RNF38: variants seen among roughly 807,000 people sequenced by gnomAD.
RNF38 encodes E3 ubiquitin-protein ligase RNF38.
A neutral mutation model predicts 67.2 loss-of-function variants in RNF38; 15 were observed. The observed-to-expected ratio is 0.22, with a 90% CI of 0.15 to 0.34. RNF38 has a LOEUF of 0.34. Ranked by LOEUF, RNF38 falls within the 10% of genes least tolerant of loss-of-function variation. RNF38 has a pLI of 1.00. For missense variants in RNF38, 524 were observed against 639.9 expected, an observed-to-expected ratio of 0.82 and a Z score of 1.95; for synonymous variants, 220 against 218.8, an observed-to-expected ratio of 1.01 and a Z score of -0.05.
At chr9:36,423,948 C>CAAAA (rs1176900248) in intron 2 of RNF38, among the ~76,000 whole-genome samples, 8 of 7,412 alleles carry the variant, frequency 1.1e-3, no homozygotes, top group African/African-American at 1.7e-3. Context: ...GACTCCGTCT[C>CAAAA]AAAAAAAAAA....
intron 2 of RNF38, among the ~76,000 whole-genome samples, chr9:36,378,014 C>T (rs1477539165): frequency 4.0e-5 from 6 of 149,144 alleles, no homozygotes; most frequent in Non-Finnish European, 7.4e-5. Flanking sequence ...AATCCTAAAA[C>T]TTAAAAAAAA....
At chr9:36,413,872 G>A (rs1360376277) in intron 2 of RNF38, among the ~76,000 whole-genome samples, 3 of 152,148 alleles carry the variant, frequency 2.0e-5, no homozygotes, top group African/African-American at 7.2e-5. Context: ...TTGTGCTGCT[G>A]TTTTCTAGTA....
At chr9:36,407,562 A>G (rs1372651178) in intron 2 of RNF38, among the ~76,000 whole-genome samples, 1 of 152,216 alleles carries the variant, frequency 6.6e-6, no homozygotes, top group Non-Finnish European at 1.5e-5. Flanking sequence ...AATAAAGCAT[A>G]CACTGCACAT....
intron 2 of RNF38, among the ~76,000 whole-genome samples, chr9:36,379,059 C>T (rs1368013793): frequency 2.0e-5 from 3 of 152,044 alleles, no homozygotes; most frequent in African/African-American, 4.8e-5. Flanking sequence ...CACCACCATG[C>T]CTGGCTAATT....
chr9:36,373,861 T>C (rs924827363), intron 3 of RNF38, among the ~76,000 whole-genome samples: 10 of 151,794 alleles, frequency 6.6e-5, no homozygotes, highest in Admixed American at 6.6e-5. Flanking sequence ...CCGGCTAATT[T>C]TGTATTTTTG....
intron 2 of RNF38, among the ~76,000 whole-genome samples, chr9:36,379,747 G>C (rs534936812): frequency 6.6e-6 from 1 of 152,120 alleles, no homozygotes; most frequent in African/African-American, 2.4e-5. Flanking sequence ...AGAGGGCTCC[G>C]AGAAAAATGC....
intron 4 of RNF38, among the ~76,000 whole-genome samples, chr9:36,365,813 G>A (rs578024209): frequency 2.0e-5 from 3 of 151,240 alleles, no homozygotes; most frequent in South Asian, 2.1e-4. Flanking sequence ...CTACAGGTGC[G>A]CGCCACCATG....
intron 9 of RNF38, among the ~76,000 whole-genome samples, chr9:36,349,217 T>C (rs1427960246): frequency 4.6e-5 from 7 of 152,234 alleles, no homozygotes; most frequent in Admixed American, 2.0e-4. Flanking sequence ...TGAATCTGGT[T>C]TTCCTGCCTG....
intron 1 of RNF38, among the ~76,000 whole-genome samples, chr9:36,432,413 G>A (rs1484624449): frequency 1.3e-5 from 2 of 152,050 alleles, no homozygotes; most frequent in Non-Finnish European, 2.9e-5. Flanking sequence ...GATTACAGGC[G>A]TTAAGCCACC....
At chr9:36,393,520 T>G (rs967729243) in intron 1 of RNF38, among the ~76,000 whole-genome samples, 11 of 138,182 alleles carry the variant, frequency 8.0e-5, no homozygotes, top group African/African-American at 3.1e-4. Context: ...TGTGTGTGTG[T>G]GTGGGGCAGG....
upstream of RNF38, among the ~76,000 whole-genome samples, chr9:36,402,417 T>TC (rs1391726684): frequency 1.3e-5 from 2 of 151,452 alleles, no homozygotes; most frequent in Non-Finnish European, 2.9e-5. Flanking sequence ...CTATTTTCTA[T>TC]CCTCTGTATC....
rs1832491415 is a variant in RNF38, at chr9:36,336,999, A to G, written c.*2753T>C. 6.6e-6 allele frequency: 1 copy of G among 152,234 alleles called. No homozygotes were observed. Among genetic ancestry groups the G allele is most frequent in the South Asian group, 2.1e-4 (1 of 4,836 alleles). The allele number at this position is 152,234 out of a possible 1,614,324, so 9.4% of individuals were successfully genotyped here. A position where few individuals can be genotyped will look rare whatever the true frequency, so the allele number is the denominator to read the frequency against. ...GGGGCTGGGGGTTAAAAAAACACCA[A>G]AGATGACAATTCATGCCAAAAAACA... On this transcript the variant is annotated 3_prime_UTR_variant, in exon 12 of 12. Coordinates refer to ENST00000259605, the MANE Select transcript of RNF38 (RefSeq NM_022781.5).
At chr9:36,355,157 C>T (rs1276553431) in intron 6 of RNF38, among the ~76,000 whole-genome samples, 3 of 152,206 alleles carry the variant, frequency 2.0e-5, no homozygotes, top group Non-Finnish European at 4.4e-5. Flanking sequence ...CTACAGTTTT[C>T]AGGACAGCAG....
At chr9:36,397,318 T>C (rs892816456) in intron 1 of RNF38, among the ~76,000 whole-genome samples, 3 of 152,074 alleles carry the variant, frequency 2.0e-5, no homozygotes, top group African/African-American at 7.2e-5. Flanking sequence ...TTCATCATAT[T>C]ATTCAGGCTG....
intron 1 of RNF38, among the ~76,000 whole-genome samples, chr9:36,439,639 T>C (rs1224533565): frequency 6.6e-6 from 1 of 151,800 alleles, no homozygotes; most frequent in East Asian, 1.9e-4. Context: ...ACCCCGTCTC[T>C]ACTAAAAACA....
chr9:36,445,471 C>A (rs899891401), intron 1 of RNF38, among the ~76,000 whole-genome samples: 1 of 152,222 alleles, frequency 6.6e-6, no homozygotes, highest in African/African-American at 2.4e-5. Flanking sequence ...ATTCCTTCAT[C>A]AGACCTTCTA....
At chr9:36,487,556 C>T (rs999496708), upstream of RNF38, 4 of 976,746 alleles carry the variant, frequency 4.1e-6, no homozygotes, top group African/African-American at 7.1e-5. Context: ...CGCGCTTCCG[C>T]TCATGGCGGG....
intron 9 of RNF38, among the ~76,000 whole-genome samples, chr9:36,346,731 C>T (rs1021799131): frequency 1.3e-4 from 20 of 152,102 alleles, no homozygotes; most frequent in Non-Finnish European, 2.9e-4. Context: ...TACAACTTTG[C>T]TTCTGTGTCA....
At position 36,415,569 on chromosome 9, in the gene RNF38, C is replaced by T. The variant is rs867078229; in HGVS notation, n.312+9044G>A. On this transcript the variant is annotated intron_variant and non_coding_transcript_variant, in intron 2 of 3. Coordinates refer to the RNF38 transcript ENST00000488058. The stretch of plus-strand genomic sequence containing the variant: ...AGGGATGAGGTTCCTGAGAGCTGGA[C>T]TACAGTGATTGTTGCTGCTCTTCTG... 6.3e-4 allele frequency among the ~76,000 whole-genome samples: 96 copies of T among 152,248 alleles called. 2 individuals carry two copies. Among genetic ancestry groups the T allele is most frequent in the African/African-American group, 2.1e-3 (86 of 41,528 alleles).
Sources: gnomAD v4.1 joint callset for allele counts (sites outside exome capture counted in the v4.1 genomes callset) on GRCh38, gnomAD v4.1.1 for gene constraint, MANE v1.5 for transcripts, NCBI Gene and HGNC (gene_info 2026-07-23, HGNC 2026-07-21) for gene names.